CCSER1: variants seen among roughly 807,000 people sequenced by gnomAD.
CCSER1 encodes serine-rich coiled-coil domain-containing protein 1.
CCSER1 carries 41 observed loss-of-function variants against 82.0 expected under a neutral mutation model. The observed-to-expected ratio is 0.50, with a 90% CI of 0.39 to 0.65. The LOEUF (loss-of-function observed/expected upper bound fraction) is 0.65. Ranked by LOEUF, CCSER1 falls within the 30% of genes least tolerant of loss-of-function variation. The probability of loss-of-function intolerance (pLI) is 0.00; values close to 1 mark genes in which losing one functional copy is unlikely to be tolerated. For missense variants in CCSER1, 1,119 were observed against 1,064.2 expected (o/e 1.05, Z -0.72); for synonymous variants, 414 against 383.9 (o/e 1.08, Z -0.92).
At chr4:90,552,831 T>A (rs994975353) in intron 5 of CCSER1, among the ~76,000 whole-genome samples, 15 of 152,188 alleles carry the variant, frequency 9.9e-5, no homozygotes, top group African/African-American at 3.6e-4. Context: ...TTATTGATAA[T>A]ATCAAGGTGT....
chr4:91,358,488 A>G (rs1358699711), intron 10 of CCSER1, among the ~76,000 whole-genome samples: 1 of 149,856 alleles, frequency 6.7e-6, no homozygotes, highest in Non-Finnish European at 1.5e-5. Context: ...ACACACTTCT[A>G]CCGTTTATAC....
chr4:90,846,563 T>G (rs1763259993), intron 8 of CCSER1, among the ~76,000 whole-genome samples: 1 of 152,208 alleles, frequency 6.6e-6, no homozygotes, highest in Non-Finnish European at 1.5e-5. Context: ...TATTATTACT[T>G]TGTGTTGAGA....
intron 10 of CCSER1, among the ~76,000 whole-genome samples, chr4:91,277,568 T>C (rs534316903): frequency 5.9e-5 from 9 of 151,268 alleles, no homozygotes; most frequent in Non-Finnish European, 1.0e-4. Context: ...TTGTTTTTTT[T>C]CCTCTTTTTC....
chr4:91,447,680 A>G (rs1755644361), intron 10 of CCSER1, among the ~76,000 whole-genome samples: 1 of 152,174 alleles, frequency 6.6e-6, no homozygotes, highest in Non-Finnish European at 1.5e-5. Flanking sequence ...GTCTAATAGT[A>G]TATACTTTAT....
intron 6 of CCSER1, among the ~76,000 whole-genome samples, chr4:90,702,358 G>T (rs1020969629): frequency 6.6e-6 from 1 of 152,128 alleles, no homozygotes; most frequent in Non-Finnish European, 1.5e-5. Context: ...TTGATGTGCT[G>T]CTGGATTCAG....
intron 8 of CCSER1, among the ~76,000 whole-genome samples, chr4:90,897,506 A>G (rs1018691707): frequency 5.9e-5 from 9 of 152,170 alleles, no homozygotes; most frequent in Middle Eastern, 3.4e-3. Flanking sequence ...TCCATGGTTT[A>G]TAGACACCAC....
At chr4:90,771,558 C>T (rs1198916879) in intron 7 of CCSER1, among the ~76,000 whole-genome samples, 8 of 124,464 alleles carry the variant, frequency 6.4e-5, no homozygotes, top group Admixed American at 8.4e-5. Flanking sequence ...TAGAAAATGC[C>T]GGGCACTAAA....
At chr4:91,142,107 T>C (rs1729090698) in intron 10 of CCSER1, among the ~76,000 whole-genome samples, 2 of 152,178 alleles carry the variant, frequency 1.3e-5, no homozygotes, top group Non-Finnish European at 2.9e-5. Context: ...TATTTCACCT[T>C]GAATTGTAAT....
At chr4:91,017,656 G>C (rs894133177) in intron 9 of CCSER1, among the ~76,000 whole-genome samples, 2 of 152,082 alleles carry the variant, frequency 1.3e-5, no homozygotes, top group Non-Finnish European at 2.9e-5. Context: ...AGGGGAAAAA[G>C]TAAAGGAAGG....
At chr4:90,233,029 C>G (rs1431696512) in intron 1 of CCSER1, among the ~76,000 whole-genome samples, 1 of 151,894 alleles carries the variant, frequency 6.6e-6, no homozygotes, top group Non-Finnish European at 1.5e-5. Flanking sequence ...GTTGGTGGGA[C>G]TGTAAGCTAG....
At chr4:91,482,209 T>G (rs2110046881) in intron 10 of CCSER1, among the ~76,000 whole-genome samples, 1 of 148,494 alleles carries the variant, frequency 6.7e-6, no homozygotes, top group East Asian at 2.0e-4. Flanking sequence ...GAGACCATCC[T>G]GGCTAACAAG....
At chr4:91,001,864 T>C (rs183271552) in intron 9 of CCSER1, among the ~76,000 whole-genome samples, 2 of 152,314 alleles carry the variant, frequency 1.3e-5, no homozygotes, top group East Asian at 1.9e-4. Context: ...GTGAGAATTA[T>C]GGTTTAAAGA....
In CCSER1 at chr4:91,228,635, A is replaced by C. The variant is rs917136689; in HGVS notation, c.2217+142641A>C. 3.7e-4 allele frequency among the ~76,000 whole-genome samples: 56 copies of C among 152,234 alleles called. 1 individual carries two copies. Among genetic ancestry groups the C allele is most frequent in the African/African-American group, 1.3e-3 (56 of 41,564 alleles). On this transcript the variant is annotated intron_variant, in intron 10 of 10. Transcript: ENST00000509176. ...AATTTAAAGAAGTATTTTGATCTTA[A>C]TCTATTTCATGAAATTAAAGCCTGG...
At chr4:90,575,419 T>G (rs950617968) in intron 5 of CCSER1, among the ~76,000 whole-genome samples, 36 of 152,292 alleles carry the variant, frequency 2.4e-4, no homozygotes, top group African/African-American at 8.7e-4. Flanking sequence ...ACCCAGTCCC[T>G]TCCTCAAAAT....
At chr4:90,263,765 C>T (rs1174589642) in intron 1 of CCSER1, among the ~76,000 whole-genome samples, 2 of 152,120 alleles carry the variant, frequency 1.3e-5, no homozygotes, top group African/African-American at 4.8e-5. Flanking sequence ...AGCTATAAAG[C>T]TCCCAAAAGT....
intron 5 of CCSER1, among the ~76,000 whole-genome samples, chr4:90,477,816 C>T (rs1307654053): frequency 6.6e-6 from 1 of 151,716 alleles, no homozygotes; most frequent in Non-Finnish European, 1.5e-5. Context: ...AAGGTAGAAC[C>T]AACCATGATA....
chr4:90,542,395 C>T (rs1776219990), intron 5 of CCSER1, among the ~76,000 whole-genome samples: 1 of 152,092 alleles, frequency 6.6e-6, no homozygotes, highest in Non-Finnish European at 1.5e-5. Flanking sequence ...TACACTTATT[C>T]TAGTCAGGCT....
At chr4:91,302,294 T>C (rs145326069) in intron 10 of CCSER1, among the ~76,000 whole-genome samples, 14 of 152,156 alleles carry the variant, frequency 9.2e-5, no homozygotes, top group South Asian at 8.3e-4. Context: ...CGCCAAGAGA[T>C]CTAGGAAAAC....
At chr4:90,240,156 G>A (rs759403076) in intron 1 of CCSER1, among the ~76,000 whole-genome samples, 36 of 152,084 alleles carry the variant, frequency 2.4e-4, no homozygotes, top group Admixed American at 5.2e-4. Flanking sequence ...GCAAGCTGGC[G>A]GCCAGTAGAA....
Sources: allele counts gnomAD v4.1 joint callset (sites outside exome capture counted in the v4.1 genomes callset), GRCh38; gene constraint gnomAD v4.1.1; transcripts MANE v1.5; gene names NCBI Gene and HGNC (gene_info 2026-07-23, HGNC 2026-07-21).